LARGE1: variants seen among roughly 807,000 people sequenced by gnomAD.
LARGE1 encodes the protein xylosyl- and glucuronyltransferase LARGE1.
LARGE1 carries 43 observed loss-of-function variants against 87.6 expected under a neutral mutation model. The observed-to-expected ratio is 0.49, with a 90% confidence interval of 0.38 to 0.63. LARGE1 has a LOEUF of 0.63. Ranked by LOEUF, LARGE1 falls within the 30% of genes least tolerant of loss-of-function variation. The probability of loss-of-function intolerance (pLI) is 0.00; values close to 1 mark genes in which losing one functional copy is unlikely to be tolerated. For synonymous variants in LARGE1, 434 were observed against 394.6 expected (o/e 1.10, Z -1.18); for missense variants, 802 against 1,000.2 (o/e 0.80, Z 2.67).
At chr22:33,089,321 T>TTTCTTCCTC in the LARGE1 span, among the ~76,000 whole-genome samples, 3 of 87,046 alleles carry the variant, frequency 3.4e-5, no homozygotes, top group African/African-American at 1.5e-4. Flanking sequence ...TTCTTTCTTC[T>TTTCTTCCTC]TTCTTCTTCT....
At chr22:33,283,481 G>T in intron 12 of LARGE1, 133 bp from the exon 13 acceptor site, 1 of 1,006,368 alleles carries the variant, frequency 9.9e-7, no homozygotes, top group Non-Finnish European at 1.5e-6. Flanking sequence ...CTCAATTAAA[G>T]ATGGGGAAAC....
At chr22:33,806,536 T>C (rs907119667) in intron 1 of LARGE1, among the ~76,000 whole-genome samples, 4 of 152,198 alleles carry the variant, frequency 2.6e-5, no homozygotes, top group Non-Finnish European at 4.4e-5. Flanking sequence ...TATCATTACA[T>C]TGAAATTACC....
intron 6 of LARGE1, among the ~76,000 whole-genome samples, chr22:33,460,793 GT>G (rs1478074025): frequency 6.6e-6 from 1 of 152,156 alleles, no homozygotes; most frequent in African/African-American, 2.4e-5. Flanking sequence ...CCTTTGATGG[GT>G]AAAGAAGTAA....
At position 33,432,192 on chromosome 22, in the gene LARGE1, T is replaced by C. The variant is rs1257326994; in HGVS notation, c.861A>G (p.Pro287=). 1.2e-6 allele frequency: 2 copies of C among 1,614,180 alleles called. No individual in the cohort carries two copies. Among genetic ancestry groups the C allele is most frequent in the East Asian group, 2.2e-5 (1 of 44,874 alleles). ...TGTAGCCTCTTCCAAGGGCTGGCCA[T>C]GGGCGGTGATTTTTCCACAGGTTTC... ...YLGNLWKNHR[P]WPALGRGYNT... The change falls in exon 7 of 15, where the codon CCA becomes CCG. Residue 287 remains proline, a synonymous_variant. Transcript: ENST00000397394.
chr22:33,378,583 T>C (rs776583125), intron 9 of LARGE1, among the ~76,000 whole-genome samples: 1 of 152,214 alleles, frequency 6.6e-6, no homozygotes, highest in Non-Finnish European at 1.5e-5. Flanking sequence ...CAATAAATTA[T>C]ACAGTTACCT....
intron 13 of LARGE1, among the ~76,000 whole-genome samples, chr22:33,278,952 T>C (rs1929900217): frequency 6.6e-6 from 1 of 152,152 alleles, no homozygotes; most frequent in Admixed American, 6.5e-5. Flanking sequence ...TCTCTTGACC[T>C]CATGATCCGC....
intron 11 of LARGE1, among the ~76,000 whole-genome samples, chr22:33,209,134 G>A (rs976349835): frequency 6.6e-6 from 1 of 152,202 alleles, no homozygotes; most frequent in African/African-American, 2.4e-5. Context: ...CTAAATCCTT[G>A]AGGAATCACC....
chr22:33,279,162 AAT>A (rs898331787), intron 13 of LARGE1, among the ~76,000 whole-genome samples: 7 of 152,226 alleles, frequency 4.6e-5, no homozygotes, highest in African/African-American at 1.7e-4. Context: ...GTGAGATGGC[AAT>A]ATGCCTCTAG....
intron 2 of LARGE1, among the ~76,000 whole-genome samples, chr22:33,728,923 T>A (rs1328960003): frequency 6.6e-6 from 1 of 152,218 alleles, no homozygotes; most frequent in South Asian, 2.1e-4. Flanking sequence ...CAGCTTTCTT[T>A]ACTTGTCTGA....
intron 5 of LARGE1, 58 bp downstream of exon 5, chr22:33,604,377 A>C: frequency 6.2e-7 from 1 of 1,611,280 alleles, no homozygotes; most frequent in East Asian, 2.2e-5. Flanking sequence ...GCTCAACCAC[A>C]AGTAATAACG....
At chr22:33,429,567 T>A (rs550873379) in intron 7 of LARGE1, among the ~76,000 whole-genome samples, 4 of 152,200 alleles carry the variant, frequency 2.6e-5, no homozygotes, top group East Asian at 1.9e-4. Context: ...CAAACCCGGA[T>A]TGATGACCAG....
chr22:33,848,597 T>G (rs1486575777), intron 1 of LARGE1, among the ~76,000 whole-genome samples: 1 of 152,138 alleles, frequency 6.6e-6, no homozygotes, highest in African/African-American at 2.4e-5. Flanking sequence ...AGCCGCGTTG[T>G]GCCAAAGATG....
At chr22:33,820,396 G>A (rs572128239) in intron 1 of LARGE1, among the ~76,000 whole-genome samples, 2 of 152,014 alleles carry the variant, frequency 1.3e-5, no homozygotes, top group East Asian at 1.9e-4. Context: ...ATCCTAGCTC[G>A]CTATAGCCTC....
intron 1 of LARGE1, among the ~76,000 whole-genome samples, chr22:33,781,387 G>C (rs543614895): frequency 3.9e-4 from 59 of 152,264 alleles, no homozygotes; most frequent in African/African-American, 1.4e-3. Flanking sequence ...TGTAATCCCA[G>C]CTACTCGGGA....
intron 9 of LARGE1, among the ~76,000 whole-genome samples, chr22:33,351,530 A>G (rs1024141991): frequency 1.3e-5 from 2 of 152,156 alleles, no homozygotes; most frequent in African/African-American, 4.8e-5. Context: ...ATTATAACCC[A>G]AAGTATAAAA....
At chr22:33,821,970 T>A (rs1202989616) in intron 1 of LARGE1, among the ~76,000 whole-genome samples, 2 of 151,038 alleles carry the variant, frequency 1.3e-5, no homozygotes, top group Non-Finnish European at 3.0e-5. Flanking sequence ...TTTTTTTTTT[T>A]AAAGAGCTGT....
At chr22:33,538,285 C>A (rs557696051) in intron 6 of LARGE1, among the ~76,000 whole-genome samples, 9 of 152,376 alleles carry the variant, frequency 5.9e-5, no homozygotes, top group African/African-American at 2.2e-4. Context: ...TCTGCACAAG[C>A]AATGGCCATA....
chr22:33,873,000 CA>C (rs71783313), intron 1 of LARGE1: 23,298 of 147,788 alleles, frequency 0.16, 1,865 homozygotes, highest in South Asian at 0.29. Flanking sequence ...AATTCTGTCT[CA>C]AAAAAAAAAA....
chr22:33,182,735 A>G (rs1923237614), intron 11 of LARGE1, among the ~76,000 whole-genome samples: 1 of 152,188 alleles, frequency 6.6e-6, no homozygotes, highest in South Asian at 2.1e-4. Flanking sequence ...TCTTCAATAA[A>G]CTGTGTTGTA....
Sources: allele counts gnomAD v4.1 joint callset (sites outside exome capture counted in the v4.1 genomes callset), GRCh38; gene constraint gnomAD v4.1.1; transcripts MANE v1.5; gene names NCBI Gene and HGNC (gene_info 2026-07-23, HGNC 2026-07-21).